The following RIN3 variants were observed in gnomAD, a reference collection of about 807,000 sequenced individuals.
The protein encoded by RIN3 is RAB5 interacting protein 3.
RIN3 carries 54 observed loss-of-function variants against 76.3 expected under a neutral mutation model. The observed-to-expected ratio is 0.71, with a 90% CI of 0.57 to 0.89. RIN3 has a LOEUF of 0.89. RIN3 is among the 40% of genes least tolerant of loss of function. The probability of loss-of-function intolerance (pLI) is 0.00; values close to 1 mark genes in which losing one functional copy is unlikely to be tolerated. For synonymous variants in RIN3, 576 were observed against 564.0 expected (o/e 1.02, Z -0.30); for missense variants, 1,256 against 1,322.1 (o/e 0.95, Z 0.78).
intron 8 of RIN3, among the ~76,000 whole-genome samples, chr14:92,678,381 T>TTCAC (rs1888548740): frequency 1.4e-5 from 2 of 144,820 alleles, no homozygotes; most frequent in Admixed American, 6.9e-5. Context: ...CATCCACTTA[T>TTCAC]TCACTCACCC....
Position 92,555,791 on chromosome 14 carries a change from G to A in RIN3, c.85G>A (p.Glu29Lys). ...TGGCAAAGGAGAGGAAGAGGAAGAG[G>A]AAGATGGCATGCGGCTTTGTCTGCC... ...VVGKGEEEEE[E>K]DGMRLCLPAN... The change falls in exon 2 of 10, where the codon GAA becomes AAA. Residue 29 changes from glutamate (E) to lysine (K), a missense_variant. Glu to Lys is a moderately conservative substitution (Grantham distance 56). This residue lies in a region of RIN3 where 610 missense variants were observed against 626.4 expected (regional missense o/e 0.97). Transcript: ENST00000216487. The A allele has an allele frequency of 1.2e-6, 2 of 1,614,168 alleles. No homozygotes were observed. The highest frequency in any genetic ancestry group is 1.7e-6 in the Non-Finnish European group (2 of 1,180,032).
intron 8 of RIN3, among the ~76,000 whole-genome samples, chr14:92,680,709 T>C (rs1888633456): frequency 6.6e-6 from 1 of 152,176 alleles, no homozygotes; most frequent in African/African-American, 2.4e-5. Context: ...CAGTGTTTCG[T>C]AGTTCAGGTG....
chr14:92,663,469 T>G (rs933753473), intron 7 of RIN3, among the ~76,000 whole-genome samples: 4 of 152,152 alleles, frequency 2.6e-5, no homozygotes, highest in Admixed American at 2.6e-4. Flanking sequence ...TCTCTGCAGA[T>G]CCAGAAGCCA....
chr14:92,532,101 G>A (rs1471964687), intron 1 of RIN3, among the ~76,000 whole-genome samples: 1 of 151,974 alleles, frequency 6.6e-6, no homozygotes, highest in Non-Finnish European at 1.5e-5. Context: ...GCTCATTTTT[G>A]TATTTTTAGT....
intron 1 of RIN3, among the ~76,000 whole-genome samples, chr14:92,530,813 C>T (rs1896862792): frequency 6.6e-6 from 1 of 152,102 alleles, no homozygotes; most frequent in African/African-American, 2.4e-5. Context: ...ACCTCTGCAA[C>T]CTTCCAAGCC....
rs895163664 is a variant in RIN3 at position 92,688,981 on chromosome 14, C to T, written c.*729C>T. ...CGTGTGGGGAGAATTTAATAAAAGC[C>T]CTTTTGAAAATGACATCTTTTCTGA... On this transcript the variant is annotated 3_prime_UTR_variant, in exon 10 of 10. Transcript: ENST00000216487. 7 of 152,246 alleles carry T rather than the reference C, an allele frequency of 4.6e-5. No homozygotes were observed. Among genetic ancestry groups the T allele is most frequent in the African/African-American group, 1.7e-4 (7 of 41,442 alleles). 9.4% of individuals were successfully genotyped at this position (152,246 alleles called of 1,614,324 possible). A position where few individuals can be genotyped will look rare whatever the true frequency, so the allele number is the denominator to read the frequency against.
chr14:92,598,490 A>T (rs1885230664), intron 3 of RIN3, among the ~76,000 whole-genome samples: 1 of 152,258 alleles, frequency 6.6e-6, no homozygotes, highest in Non-Finnish European at 1.5e-5. Flanking sequence ...TAAATTTTGC[A>T]AATGATTTGT....
intron 7 of RIN3, among the ~76,000 whole-genome samples, chr14:92,662,899 C>T (rs1487810295): frequency 6.6e-6 from 1 of 151,976 alleles, no homozygotes; most frequent in Non-Finnish European, 1.5e-5. Context: ...GTGGCACCAC[C>T]CCCCAGGCTC....
At chr14:92,548,064 A>T (rs1450726444) in intron 1 of RIN3, among the ~76,000 whole-genome samples, 2 of 151,806 alleles carry the variant, frequency 1.3e-5, no homozygotes, top group Non-Finnish European at 2.9e-5. Flanking sequence ...TTTGAAACAA[A>T]CCCCCTTAAC....
chr14:92,561,044 A>AAAAAATATAAATATATATATATAT (rs1555383856), intron 2 of RIN3, among the ~76,000 whole-genome samples: 1 of 24,398 alleles, frequency 4.1e-5, no homozygotes, highest in Admixed American at 6.8e-4. Flanking sequence ...AAAAAAAAAA[A>AAAAAATATAAATATATATATATAT]ATATATATAT....
intron 7 of RIN3, among the ~76,000 whole-genome samples, chr14:92,663,999 G>A (rs1468687685): frequency 6.6e-6 from 1 of 152,126 alleles, no homozygotes; most frequent in Admixed American, 6.5e-5. Context: ...CAAAGTTTAT[G>A]AATGAGCGTC....
intron 1 of RIN3, among the ~76,000 whole-genome samples, chr14:92,545,582 C>CTTTTTTTTT (rs11324822): frequency 8.7e-6 from 1 of 114,712 alleles, no homozygotes; most frequent in Non-Finnish European, 1.8e-5. Flanking sequence ...TTTTCTTTTT[C>CTTTTTTTTT]TTTTTTTTTT....
At chr14:92,663,953 G>A (rs571723924) in intron 7 of RIN3, among the ~76,000 whole-genome samples, 6 of 152,252 alleles carry the variant, frequency 3.9e-5, no homozygotes, top group African/African-American at 1.4e-4. Flanking sequence ...CTTTAAATGG[G>A]GCTAGGAACG....
chr14:92,621,381 A>AC (rs1886177208), intron 4 of RIN3, among the ~76,000 whole-genome samples: 1 of 152,162 alleles, frequency 6.6e-6, no homozygotes, highest in Non-Finnish European at 1.5e-5. Flanking sequence ...ATGGCCCATG[A>AC]CCCAGCCCTC....
chr14:92,531,530 C>G (rs1283485751), intron 1 of RIN3, among the ~76,000 whole-genome samples: 1 of 152,214 alleles, frequency 6.6e-6, no homozygotes, highest in African/African-American at 2.4e-5. Flanking sequence ...GCAAGGGCAC[C>G]TGGGCCTGGC....
At chr14:92,678,432 C>G (rs1330335503) in intron 8 of RIN3, among the ~76,000 whole-genome samples, 1 of 150,180 alleles carries the variant, frequency 6.7e-6, no homozygotes, top group Non-Finnish European at 1.5e-5. Flanking sequence ...TATTCATTCA[C>G]CCATCCACAT....
chr14:92,653,331 G>A (rs963119440), intron 6 of RIN3, among the ~76,000 whole-genome samples: 2 of 152,116 alleles, frequency 1.3e-5, no homozygotes, highest in Non-Finnish European at 2.9e-5. Context: ...ACCATCAGGG[G>A]CCCACTGCCA....
chr14:92,528,848 G>A (rs1008466365), intron 1 of RIN3, among the ~76,000 whole-genome samples: 11 of 152,116 alleles, frequency 7.2e-5, no homozygotes, highest in South Asian at 2.1e-4. Flanking sequence ...AGCGGTTCGC[G>A]GGACACACTC....
chr14:92,667,284 G>A (rs535431646), intron 7 of RIN3, among the ~76,000 whole-genome samples: 79 of 152,274 alleles, frequency 5.2e-4, no homozygotes, highest in African/African-American at 1.8e-3. Flanking sequence ...AGGCCAAGGC[G>A]GGCGGATCAT....
Sources: gnomAD v4.1 joint callset for allele counts (sites outside exome capture counted in the v4.1 genomes callset) on GRCh38, gnomAD v4.1.1 for gene constraint, gnomAD v4.1.1 regional missense constraint, MANE v1.5 for transcripts, NCBI Gene and HGNC (gene_info 2026-07-23, HGNC 2026-07-21) for gene names.